LIMCH1: variants seen among roughly 807,000 people sequenced by gnomAD.
LIMCH1 encodes the protein LIM and calponin homology domains-containing protein 1.
Under a neutral mutation model 176.5 loss-of-function variants are expected in LIMCH1, and 113 were observed. The observed-to-expected ratio is 0.64, with a 90% confidence interval of 0.55 to 0.75. The LOEUF (loss-of-function observed/expected upper bound fraction) is 0.75, where lower values mean the gene tolerates loss of function less well. LIMCH1 is among the 30% of genes least tolerant of loss of function. The probability of loss-of-function intolerance (pLI) is 0.00; values close to 1 mark genes in which losing one functional copy is unlikely to be tolerated. For synonymous variants in LIMCH1, 619 were observed against 645.9 expected, an observed-to-expected ratio of 0.96 and a Z score of 0.63; for missense variants, 1,674 against 1,814.9, an observed-to-expected ratio of 0.92 and a Z score of 1.41.
chr4:41,619,940 T>C (rs1269070119), intron 6 of LIMCH1: 1 of 182,108 alleles, frequency 5.5e-6, no homozygotes, highest in Non-Finnish European at 1.2e-5. Flanking sequence ...AGAGAAACAG[T>C]GTTTTAATCT....
chr4:41,673,171 G>A (rs925312733), intron 22 of LIMCH1, among the ~76,000 whole-genome samples: 1 of 152,058 alleles, frequency 6.6e-6, no homozygotes, highest in Non-Finnish European at 1.5e-5. Context: ...ACAAAACTAG[G>A]GACTATCTGT....
In LIMCH1 at chr4:41,662,895, C is replaced by G; in HGVS notation, c.3202C>G (p.Gln1068Glu). 6.2e-7 allele frequency: 1 copy of G among 1,614,038 alleles called. No homozygotes were observed. The highest frequency in any genetic ancestry group is 8.5e-7 in the Non-Finnish European group (1 of 1,179,986). Residue 1068 changes from glutamine (Q) to glutamate (E), a missense_variant, in exon 20 of 32, where the codon CAG becomes GAG. Gln to Glu is a conservative substitution (Grantham distance 29). Around this residue, in one of 3 missense-constraint regions of LIMCH1, gnomAD observed 1,015 missense variants for 1,102.5 expected, o/e 0.92. Transcript: ENST00000503057. ...CTTTGTGGAATTTCCCTCCAGCCCC[C>G]AGCTGAAGAATGATGTGTCGGAAGA... ...VAFVEFPSSP[Q>E]LKNDVSEEKD...
At chr4:41,454,865 T>A (rs546995338) in intron 1 of LIMCH1, among the ~76,000 whole-genome samples, 1 of 152,252 alleles carries the variant, frequency 6.6e-6, no homozygotes, top group East Asian at 1.9e-4. Context: ...TGACCTTCTC[T>A]GATTCTGCAT....
intron 1 of LIMCH1, among the ~76,000 whole-genome samples, chr4:41,551,911 A>G (rs1344455442): frequency 6.6e-6 from 1 of 152,144 alleles, no homozygotes; most frequent in South Asian, 2.1e-4. Context: ...AGTGCTTTCT[A>G]TGTGTATTAG....
chr4:41,402,993 A>AG (rs1046340177), intron 1 of LIMCH1, among the ~76,000 whole-genome samples: 1 of 151,572 alleles, frequency 6.6e-6, no homozygotes, highest in African/African-American at 2.4e-5. Context: ...AAAAAAGAAA[A>AG]AAAAAGACCT....
chr4:41,632,828 G>GT lies in LIMCH1; in HGVS notation c.1682dup (p.Cys562LeufsTer34). ...TGTGCCGGAGTCTCAGGAAGAGTGGGTCTGCAGTTTGGGCGAGTGCCCGAG... is the reference window on the plus strand; with the variant it reads ...TGTGCCGGAGTCTCAGGAAGAGTGGGTTCTGCAGTTTGGGCGAGTGCCCGAG... On this transcript the variant is annotated frameshift_variant, in exon 11 of 32. Transcript: ENST00000503057. LOFTEE classifies it high-confidence loss of function. The GT allele has an allele frequency of 6.5e-7, 1 of 1,536,210 alleles. No individual in the cohort carries two copies. Among genetic ancestry groups the GT allele is most frequent in the Non-Finnish European group, 8.7e-7 (1 of 1,146,908 alleles).
chr4:41,661,502 C>A lies in LIMCH1; in HGVS notation c.3119C>A (p.Ala1040Asp). 6.2e-7 allele frequency: 1 copy of A among 1,604,238 alleles called. No individual in the cohort carries two copies. Among genetic ancestry groups the A allele is most frequent in the Non-Finnish European group, 8.5e-7 (1 of 1,172,634 alleles). Residue 1040 changes from alanine (A) to aspartate (D), a missense_variant, in exon 19 of 32, where the codon GCC becomes GAC. Around this residue, in one of 3 missense-constraint regions of LIMCH1, gnomAD observed 1,015 missense variants for 1,102.5 expected, o/e 0.92. Coordinates refer to ENST00000503057, the MANE Select transcript of LIMCH1 (RefSeq NM_001330672.2). ...TCAAGAAAAGGGAATATAGAACTTG[C>A]CTCATCAGGTTTGTTTCATAAGAGA... ...GKSRKGNIEL[A>D]SSEPQHFTTT...
chr4:41,514,519 A>G (rs1197881359), intron 2 of LIMCH1, among the ~76,000 whole-genome samples: 1 of 152,210 alleles, frequency 6.6e-6, no homozygotes, highest in East Asian at 1.9e-4. Flanking sequence ...GACAAAGGCT[A>G]GGACAAGTGC....
intron 1 of LIMCH1, among the ~76,000 whole-genome samples, chr4:41,392,823 G>A (rs1001371723): frequency 6.6e-6 from 1 of 152,086 alleles, no homozygotes; most frequent in Admixed American, 6.5e-5. Context: ...TTGAGGTCAG[G>A]AATTCGAGAC....
At position 41,462,272 on chromosome 4, in the gene LIMCH1, A is replaced by G. The variant is rs1582598009; in HGVS notation, c.97-32264A>G. Among the ~76,000 whole-genome samples, 6 of 152,270 alleles carry G rather than the reference A, an allele frequency of 3.9e-5. 1 individual carries two copies. In the Middle Eastern group the frequency reaches 0.02, roughly 518 times the overall value. ...TTTGTGCTGGTCCCAGTTGACTTGT[A>G]TCCTGTAGGAAGTAAAAAGGCAACT... On this transcript the variant is annotated intron_variant, in intron 1 of 26. Transcript: ENST00000313860.
chr4:41,609,757 G>A (rs970627461), intron 4 of LIMCH1: 13 of 408,860 alleles, frequency 3.2e-5, no homozygotes, highest in African/African-American at 2.5e-4. Context: ...ACAAGGGACT[G>A]AGATTCTAGA....
At position 41,671,556 on chromosome 4, in the gene LIMCH1, GA is replaced by G; in HGVS notation, c.3401del (p.Asp1134ValfsTer11). On this transcript the variant is annotated frameshift_variant, in exon 22 of 32. Transcript: ENST00000503057. LOFTEE classifies it high-confidence loss of function. The stretch of plus-strand genomic sequence containing the variant: ...TTCTTTCTTTTTTTTCTGTGCAGTG[GA>G]TTCTCCAAGCAGTGAGAAGTCACCT... ...LHLPNLNSQVDSPSSEKSPVM... is the reference protein window; with the variant it reads ...LHLPNLNSQVXSPSSEKSPVM... 6.2e-7 allele frequency: 1 copy of G among 1,604,570 alleles called. No individual in the cohort carries two copies.
chr4:41,604,446 A>C lies in LIMCH1; in HGVS notation c.-103+541A>C, dbSNP rs569121772. Among the ~76,000 whole-genome samples, 4 of 152,352 alleles carry C rather than the reference A, an allele frequency of 2.6e-5. No individual in the cohort carries two copies. The South Asian group carries it at 8.3e-4, about 32-fold the overall frequency. ...GCTGTTTTATTTTCAGTTTAGATTG[A>C]GGAATGAAAGAAGTCACATTCTGCA... is the stretch of plus-strand genomic sequence containing the variant. On this transcript the variant is annotated intron_variant, in intron 3 of 31. Transcript: ENST00000503057.
intron 1 of LIMCH1, among the ~76,000 whole-genome samples, chr4:41,483,371 A>G (rs1237377543): frequency 1.3e-5 from 2 of 152,154 alleles, no homozygotes; most frequent in African/African-American, 4.8e-5. Flanking sequence ...TCCAACCATG[A>G]GATCATTGGC....
At chr4:41,695,648 TA>T (rs1300349011) in intron 31 of LIMCH1, among the ~76,000 whole-genome samples, 3 of 152,170 alleles carry the variant, frequency 2.0e-5, no homozygotes, top group African/African-American at 7.2e-5. Context: ...TCTTTCCAAT[TA>T]TTTTTTTCCA....
chr4:41,636,783 A>G (rs970177155), intron 13 of LIMCH1, among the ~76,000 whole-genome samples: 1 of 152,204 alleles, frequency 6.6e-6, no homozygotes. Context: ...TCCTACATGC[A>G]ACAACATAGT....
At chr4:41,556,748 A>G (rs1314203400) in intron 1 of LIMCH1, among the ~76,000 whole-genome samples, 1 of 152,194 alleles carries the variant, frequency 6.6e-6, no homozygotes, top group Non-Finnish European at 1.5e-5. Context: ...GGCTTCTTTC[A>G]GTATAGACAT....
rs565365166 is a variant in LIMCH1 at position 41,599,174 on chromosome 4, C to T, written c.-134+148C>T. 11 of 570,286 alleles carry T rather than the reference C, an allele frequency of 1.9e-5. No individual in the cohort carries two copies. In the East Asian group the frequency reaches 3.2e-4, roughly 17 times the overall value. 35.3% of individuals were successfully genotyped at this position (570,286 alleles called of 1,614,324 possible). A position where few individuals can be genotyped will look rare whatever the true frequency, so the allele number is the denominator to read the frequency against. On this transcript the variant is annotated intron_variant, in intron 2 of 31. Transcript: ENST00000503057. ...AGGTAAAAATCAACTTTCAAAACAA[C>T]TCACATTGACTTTCCCTCTGTGCAT...
At chr4:41,537,297 G>A (rs1471704156), upstream of LIMCH1, among the ~76,000 whole-genome samples, 4 of 152,172 alleles carry the variant, frequency 2.6e-5, no homozygotes, top group East Asian at 1.9e-4. Context: ...CTCCGCACAC[G>A]ATGCTTCTGC....
Sources: gnomAD v4.1 joint callset for allele counts (sites outside exome capture counted in the v4.1 genomes callset) on GRCh38, gnomAD v4.1.1 for gene constraint, gnomAD v4.1.1 regional missense constraint, MANE v1.5 for transcripts, NCBI Gene and HGNC (gene_info 2026-07-23, HGNC 2026-07-21) for gene names.